Variants in CRHBP observed in about 807,000 individuals in gnomAD.
CRHBP encodes corticotropin-releasing hormone-binding protein.
In CRHBP, 19 loss-of-function variants were observed where a neutral mutation model predicts 34.9. That is an observed-to-expected ratio of 0.55 (90% CI 0.38 to 0.80). The LOEUF (loss-of-function observed/expected upper bound fraction) is 0.80. CRHBP is among the 30% of genes least tolerant of loss of function. The probability of loss-of-function intolerance (pLI) is 0.00; values close to 1 mark genes in which losing one functional copy is unlikely to be tolerated. For synonymous variants in CRHBP, 154 were observed against 153.4 expected (o/e 1.00, Z -0.03); for missense variants, 328 against 409.2 (o/e 0.80, Z 1.71).
Position 76,954,142 on chromosome 5 carries a change from T to A in CRHBP, c.289T>A (p.Tyr97Asn). The A allele has an allele frequency of 6.2e-7, 1 of 1,613,950 alleles. No individual in the cohort carries two copies. The highest frequency in any genetic ancestry group is 1.3e-5 in the African/African-American group (1 of 75,036). The change falls in exon 3 of 7, where the codon TAC (tyrosine) becomes AAC (asparagine). Residue 97 changes from tyrosine (Y) to asparagine (N), a missense_variant. This residue lies in a region of CRHBP where 173 missense variants were observed against 172.2 expected (regional missense o/e 1.00). Transcript: ENST00000274368. ...SEPEEFITIH[Y>N]DQVSIDCQGG... The stretch of plus-strand genomic sequence containing the variant: ...GCCCGAGGAGTTCATTACCATCCAC[T>A]ACGACCAGGTCTCCATCGACTGTCA...
In CRHBP at chr5:76,968,740, T is replaced by A; in HGVS notation, c.824T>A (p.Val275Asp). The change falls in exon 7 of 7, where the codon GTT becomes GAT. Residue 275 changes from valine to aspartate, a missense_variant. Physicochemically the swap from Val to Asp is radical, Grantham distance 152 (BLOSUM62 -3). This residue lies in a region of CRHBP where 144 missense variants were observed against 216.7 expected (regional missense o/e 0.66). Transcript: ENST00000274368. ...CCATCCATTATAGCCCAGATGAAAG[T>A]TGGCTGTGACAACACTGTGGTGCGC... ...YPFHGPAQMK[V>D]GCDNTVVRMV... 6.2e-7 allele frequency: 1 copy of A among 1,611,776 alleles called. No homozygotes were observed. Among genetic ancestry groups the A allele is most frequent in the Non-Finnish European group, 8.5e-7 (1 of 1,178,604 alleles).
intron 3 of CRHBP, among the ~76,000 whole-genome samples, chr5:76,954,939 G>A (rs142947215): frequency 5.3e-5 from 8 of 152,308 alleles, no homozygotes; most frequent in African/African-American, 1.9e-4. Context: ...GAAATAATTT[G>A]TAGCTGGGTT....
chr5:76,971,981 A>C (rs906397747), downstream of CRHBP, among the ~76,000 whole-genome samples: 1 of 152,148 alleles, frequency 6.6e-6, no homozygotes, highest in Admixed American at 6.5e-5. Flanking sequence ...CATGTCTAAA[A>C]TTCTGAGCAT....
intron 2 of CRHBP, chr5:76,976,235 A>G (rs7727251): frequency 0.5 from 75,773 of 151,832 alleles, 20,831 homozygotes; most frequent in African/African-American, 0.74. Context: ...GTAAATAAAT[A>G]CTCCATTAAA....
intron 4 of CRHBP, among the ~76,000 whole-genome samples, chr5:76,956,939 A>T (rs966343820): frequency 3.3e-5 from 5 of 152,210 alleles, no homozygotes; most frequent in African/African-American, 1.2e-4. Context: ...AAAAAACAAA[A>T]GAATTTTTGA....
At chr5:76,979,320 C>T (rs182191822) in intron 3 of CRHBP, among the ~76,000 whole-genome samples, 3 of 151,366 alleles carry the variant, frequency 2.0e-5, no homozygotes, top group African/African-American at 2.4e-5. Flanking sequence ...CAAAGGGCTA[C>T]GTTTATAGGT....
chr5:76,953,685 C>T lies in CRHBP; in HGVS notation c.166C>T (p.Arg56Cys), dbSNP rs1298546583. The T allele has an allele frequency of 6.2e-7, 1 of 1,608,730 alleles. No individual in the cohort carries two copies. Among genetic ancestry groups the T allele is most frequent in the Non-Finnish European group, 8.5e-7 (1 of 1,177,716 alleles). The change falls in exon 2 of 7, where the codon CGC becomes TGC. Residue 56 changes from arginine (R) to cysteine (C), a missense_variant. Physicochemically the swap from Arg to Cys is radical, Grantham distance 180 (BLOSUM62 -3). Transcript: ENST00000274368. ...GCTGGCTGGGGAGCAGCCGTACCGC[C>T]GCGCTCTGCGTGAGTCGAGGCTGCC... ...RELAGEQPYR[R>C]ALRCLDMLSL...
In CRHBP at chr5:76,953,585, CTA is replaced by C; in HGVS notation, c.82-14_82-13del. On this transcript the variant is annotated splice_polypyrimidine_tract_variant and intron_variant, in intron 1 of 6. Transcript: ENST00000274368. Reference sequence around the variant, plus strand: ...AGCCCTTGAACTTTTCCGGACTGACCTATGTTTCTTGCCAGCTGAGGGAAGCG... The same window carrying C: ...AGCCCTTGAACTTTTCCGGACTGACCTGTTTCTTGCCAGCTGAGGGAAGCG... 2.5e-6 allele frequency: 4 copies of C among 1,610,348 alleles called. No homozygotes were observed. Among genetic ancestry groups the C allele is most frequent in the Non-Finnish European group, 3.4e-6 (4 of 1,178,410 alleles).
chr5:76,975,906 G>GTA (rs1305686612), intron 2 of CRHBP, among the ~76,000 whole-genome samples: 4 of 126,458 alleles, frequency 3.2e-5, no homozygotes, highest in Non-Finnish European at 6.4e-5. Context: ...ATATATGTGT[G>GTA]TATATATATG....
intron 4 of CRHBP, 69 bp downstream of exon 4, chr5:76,955,932 C>A: frequency 7.2e-7 from 1 of 1,383,246 alleles, no homozygotes; most frequent in Non-Finnish European, 9.9e-7. Context: ...TATCATTGCA[C>A]AGACTTAAAG....
At chr5:76,954,895 A>C (rs1745644878) in intron 3 of CRHBP, among the ~76,000 whole-genome samples, 1 of 152,140 alleles carries the variant, frequency 6.6e-6, no homozygotes, top group Non-Finnish European at 1.5e-5. Context: ...ACATCTCCAA[A>C]GTAGGATTAT....
intron 6 of CRHBP, among the ~76,000 whole-genome samples, chr5:76,965,327 G>C (rs1270700575): frequency 6.6e-6 from 1 of 152,172 alleles, no homozygotes; most frequent in Non-Finnish European, 1.5e-5. Context: ...TATTCTAAAA[G>C]TTTCAGATGA....
In CRHBP at chr5:76,968,957, C is replaced by A. The variant is rs1175805171; in HGVS notation, c.*72C>A. On this transcript the variant is annotated 3_prime_UTR_variant, in exon 7 of 7. Transcript: ENST00000274368. ...ATGGCCATTGTGTATGATTTTGATG[C>A]ACAACTAGTTAAAAGCCTTTCATAC... The A allele has an allele frequency of 6.0e-5, 93 of 1,544,304 alleles. No homozygotes were observed. Among genetic ancestry groups the A allele is most frequent in the Non-Finnish European group, 8.0e-5 (91 of 1,132,962 alleles).
chr5:76,958,690 C>T (rs1409007278), intron 4 of CRHBP, 51 bp from the exon 5 acceptor site: 4 of 1,568,928 alleles, frequency 2.5e-6, no homozygotes, highest in African/African-American at 2.7e-5. Context: ...TCTATAAAAA[C>T]CTAGCAAACC....
chr5:76,958,645 A>G, intron 4 of CRHBP, 96 bp from the exon 5 acceptor site: 3 of 1,387,914 alleles, frequency 2.2e-6, no homozygotes, highest in South Asian at 1.5e-5. Flanking sequence ...GCCCTAGATC[A>G]TGAACAGGAG....
At chr5:76,960,320 C>T (rs572822386) in intron 5 of CRHBP, among the ~76,000 whole-genome samples, 3 of 152,240 alleles carry the variant, frequency 2.0e-5, no homozygotes, top group Admixed American at 6.5e-5. Flanking sequence ...GGCTCAGAGG[C>T]AGGAATGGGC....
Position 76,954,102 on chromosome 5 carries a change from C to T in CRHBP, c.249C>T (p.Ala83=), listed in dbSNP as rs1053967. 3 of 1,614,076 alleles carry T rather than the reference C, an allele frequency of 1.9e-6. No individual in the cohort carries two copies. The highest frequency in any genetic ancestry group is 2.2e-5 in the South Asian group (2 of 91,090). ...ACCGGCCGCAGCTGCACTGCGCAGC[C>T]TTCTTCATCAGCGAGCCCGAGGAGT... ...TADRPQLHCA[A]FFISEPEEFI... is the part of the protein sequence containing the mutation. Residue 83 remains alanine (A), a synonymous_variant, in exon 3 of 7, where the codon GCC becomes GCT. Coordinates refer to ENST00000274368, the MANE Select transcript of CRHBP (RefSeq NM_001882.4).
At chr5:76,953,297 CT>C in intron 1 of CRHBP, 82 bp downstream of exon 1, 1 of 1,326,118 alleles carries the variant, frequency 7.5e-7, no homozygotes, top group South Asian at 1.2e-5. Flanking sequence ...TGCTCGCAGC[CT>C]TTTGGGGTTC....
chr5:76,965,877 CA>C (rs1483633292), intron 6 of CRHBP, among the ~76,000 whole-genome samples: 1 of 151,928 alleles, frequency 6.6e-6, no homozygotes, highest in African/African-American at 2.4e-5. Context: ...ACAAAACGCA[CA>C]AAGTAACAAA....
Sources: gnomAD v4.1 joint callset for allele counts (sites outside exome capture counted in the v4.1 genomes callset) on GRCh38, gnomAD v4.1.1 for gene constraint, gnomAD v4.1.1 regional missense constraint, MANE v1.5 for transcripts, NCBI Gene and HGNC (gene_info 2026-07-23, HGNC 2026-07-21) for gene names.